DPP10: variants seen among roughly 807,000 people sequenced by gnomAD.
DPP10 encodes dipeptidyl peptidase like 10.
In DPP10, 33 loss-of-function variants were observed where a neutral mutation model predicts 120.9. That is an observed-to-expected ratio of 0.27 (90% CI 0.21 to 0.37). The LOEUF is 0.37. Ranked by LOEUF, DPP10 falls within the 10% of genes least tolerant of loss-of-function variation. The pLI, the probability that DPP10 is intolerant of heterozygous loss-of-function variation, is 1.00. For synonymous variants in DPP10, 337 were observed against 326.1 expected (o/e 1.03, Z -0.36); for missense variants, 816 against 942.8 (o/e 0.87, Z 1.76).
intron 9 of DPP10, among the ~76,000 whole-genome samples, chr2:115,743,526 A>G (rs751513917): frequency 6.6e-6 from 1 of 152,186 alleles, no homozygotes; most frequent in Non-Finnish European, 1.5e-5. Flanking sequence ...TAATCAGTGT[A>G]TCTAATGATA....
At chr2:115,418,605 A>C (rs1325823048) in intron 3 of DPP10, among the ~76,000 whole-genome samples, 1 of 151,698 alleles carries the variant, frequency 6.6e-6, no homozygotes, top group Non-Finnish European at 1.5e-5. Flanking sequence ...ACCTCATCTC[A>C]TATTTATTTT....
chr2:115,085,555 A>G (rs1478631459), intron 1 of DPP10, among the ~76,000 whole-genome samples: 2 of 152,232 alleles, frequency 1.3e-5, no homozygotes, highest in African/African-American at 2.4e-5. Context: ...ATTTTAATAA[A>G]ATAACACTTT....
intron 1 of DPP10, among the ~76,000 whole-genome samples, chr2:114,896,916 A>T (rs1337219268): frequency 6.6e-6 from 1 of 152,184 alleles, no homozygotes; most frequent in Non-Finnish European, 1.5e-5. Context: ...TCCCATCAAT[A>T]CCTAATTTAC....
chr2:115,781,931 A>G (rs540014708), intron 16 of DPP10, among the ~76,000 whole-genome samples: 1 of 152,006 alleles, frequency 6.6e-6, no homozygotes, highest in African/African-American at 2.4e-5. Flanking sequence ...TGGATGAACT[A>G]TTTCCAATAT....
At chr2:114,620,467 A>G (rs970744166) in intron 1 of DPP10, among the ~76,000 whole-genome samples, 44 of 152,042 alleles carry the variant, frequency 2.9e-4, no homozygotes, top group African/African-American at 1.0e-3. Context: ...GACTGACATT[A>G]TGATGGTTTA....
chr2:115,156,913 C>T (rs1201437675), intron 1 of DPP10, among the ~76,000 whole-genome samples: 7 of 152,018 alleles, frequency 4.6e-5, no homozygotes, highest in Admixed American at 4.6e-4. Context: ...AAAAAAAATA[C>T]CATTAATATC....
intron 3 of DPP10, among the ~76,000 whole-genome samples, chr2:115,429,542 A>G (rs180793447): frequency 6.6e-5 from 10 of 152,360 alleles, no homozygotes; most frequent in Admixed American, 2.0e-4. Flanking sequence ...GTGCTTAATA[A>G]TAAAAGCTAA....
At chr2:115,524,974 C>G (rs190883586) in intron 4 of DPP10, among the ~76,000 whole-genome samples, 390 of 152,036 alleles carry the variant, frequency 2.6e-3, no homozygotes, top group African/African-American at 8.6e-3. Context: ...GTAAAACAAA[C>G]AAACAAACAA....
chr2:114,805,187 C>A (rs1025347666), intron 1 of DPP10, among the ~76,000 whole-genome samples: 1 of 152,184 alleles, frequency 6.6e-6, no homozygotes, highest in African/African-American at 2.4e-5. Flanking sequence ...CCATGTGGAC[C>A]TGTAAGTCCA....
intron 1 of DPP10, among the ~76,000 whole-genome samples, chr2:114,449,788 G>T (rs1046446273): frequency 1.3e-5 from 2 of 152,114 alleles, no homozygotes; most frequent in Non-Finnish European, 2.9e-5. Flanking sequence ...TTCATAAGGA[G>T]TTGTATAGTG....
At chr2:115,715,380 A>T (rs1157239792) in intron 7 of DPP10, among the ~76,000 whole-genome samples, 2 of 151,600 alleles carry the variant, frequency 1.3e-5, no homozygotes, top group Non-Finnish European at 2.9e-5. Context: ...AAAGAAAAAG[A>T]AAAATCTACT....
intron 1 of DPP10, among the ~76,000 whole-genome samples, chr2:114,742,888 G>A (rs1574083911): frequency 6.6e-6 from 1 of 152,158 alleles, no homozygotes; most frequent in Non-Finnish European, 1.5e-5. Flanking sequence ...GGCAAACGAG[G>A]CATTTTTAAA....
At chr2:115,270,936 AT>A (rs963993266) in intron 1 of DPP10, among the ~76,000 whole-genome samples, 1 of 151,934 alleles carries the variant, frequency 6.6e-6, no homozygotes, top group Non-Finnish European at 1.5e-5. Flanking sequence ...TTAGGTATTC[AT>A]TTTTTTATTC....
At chr2:115,233,962 T>C (rs749950516) in intron 1 of DPP10, 1 of 518,342 alleles carries the variant, frequency 1.9e-6, no homozygotes, top group Non-Finnish European at 3.9e-6. Flanking sequence ...AACTAAGAGA[T>C]AAATCAGCCT....
intron 1 of DPP10, among the ~76,000 whole-genome samples, chr2:115,095,929 C>A (rs941181799): frequency 5.3e-5 from 8 of 152,012 alleles, no homozygotes; most frequent in African/African-American, 1.9e-4. Context: ...GATGAGCAAG[C>A]CTCTTGATCT....
chr2:115,516,647 T>G (rs551452561), intron 4 of DPP10, among the ~76,000 whole-genome samples: 1 of 151,748 alleles, frequency 6.6e-6, no homozygotes, highest in East Asian at 1.9e-4. Context: ...TATTTTTTGT[T>G]GCTTGCATCC....
intron 2 of DPP10, among the ~76,000 whole-genome samples, chr2:115,311,857 C>G (rs2061592904): frequency 6.6e-6 from 1 of 152,048 alleles, no homozygotes; most frequent in African/African-American, 2.4e-5. Context: ...TCTTGAACTT[C>G]CGGGCTCAAG....
intron 1 of DPP10, among the ~76,000 whole-genome samples, chr2:115,101,388 G>A (rs2048688216): frequency 1.3e-5 from 2 of 152,162 alleles, no homozygotes; most frequent in African/African-American, 4.8e-5. Context: ...TAATTCTCCA[G>A]TGAGGTGGCA....
At chr2:114,967,194 T>TA (rs1314711993) in intron 1 of DPP10, among the ~76,000 whole-genome samples, 13 of 152,192 alleles carry the variant, frequency 8.5e-5, no homozygotes, top group East Asian at 1.9e-4. Context: ...CTTATTTTAA[T>TA]AAAAAAAATC....
Sources: allele counts gnomAD v4.1 joint callset (sites outside exome capture counted in the v4.1 genomes callset), GRCh38; gene constraint gnomAD v4.1.1; transcripts MANE v1.5; gene names NCBI Gene and HGNC (gene_info 2026-07-23, HGNC 2026-07-21).